The following ADORA1 variants were observed in gnomAD, a reference collection of about 807,000 sequenced individuals.
ADORA1 encodes adenosine A1 receptor.
Under a neutral mutation model 19.9 loss-of-function variants are expected in ADORA1, and 6 were observed. That is an observed-to-expected ratio of 0.30 (90% CI 0.17 to 0.59). The LOEUF (loss-of-function observed/expected upper bound fraction) is 0.59. Among genes scored for constraint, ADORA1 ranks in the 20% least tolerant of loss-of-function variants. The pLI, the probability that ADORA1 is intolerant of heterozygous loss-of-function variation, is 0.87. For synonymous variants in ADORA1, 194 were observed against 188.4 expected (o/e 1.03, Z -0.24); for missense variants, 302 against 439.2 (o/e 0.69, Z 2.79).
intron 3 of ADORA1, among the ~76,000 whole-genome samples, chr1:203,136,885 A>G (rs1294539238): frequency 6.6e-6 from 1 of 152,210 alleles, no homozygotes; most frequent in Non-Finnish European, 1.5e-5. Context: ...TTATTCAACA[A>G]ATACTTATTG....
chr1:203,138,754 C>T (rs910063058), intron 3 of ADORA1, among the ~76,000 whole-genome samples: 1 of 152,078 alleles, frequency 6.6e-6, no homozygotes, highest in Non-Finnish European at 1.5e-5. Context: ...GCAAAGAGAG[C>T]AAAGGAATGG....
intron 3 of ADORA1, among the ~76,000 whole-genome samples, chr1:203,158,306 C>T (rs1181242735): frequency 6.6e-6 from 1 of 152,216 alleles, no homozygotes; most frequent in Non-Finnish European, 1.5e-5. Flanking sequence ...GGGACACAGA[C>T]ACAATTCCAC....
chr1:203,139,366 A>G (rs980570800), intron 3 of ADORA1, among the ~76,000 whole-genome samples: 7 of 152,094 alleles, frequency 4.6e-5, no homozygotes, highest in South Asian at 4.1e-4. Flanking sequence ...GATTCTTCCC[A>G]TTTTCGTAGT....
intron 3 of ADORA1, among the ~76,000 whole-genome samples, chr1:203,143,539 CTGTG>C (rs3841801): frequency 8.8e-5 from 7 of 79,358 alleles, no homozygotes; most frequent in Middle Eastern, 6.1e-3. Flanking sequence ...ATATGCACAC[CTGTG>C]TGTGTGTGTG....
intron 3 of ADORA1, chr1:203,150,607 G>A (rs1655000615): frequency 1.6e-6 from 2 of 1,286,974 alleles, no homozygotes; most frequent in Admixed American, 2.3e-5. Flanking sequence ...CAGGATCGGG[G>A]AGAATATGAC....
intron 3 of ADORA1, among the ~76,000 whole-genome samples, chr1:203,157,140 C>G (rs548842332): frequency 6.6e-6 from 1 of 152,308 alleles, no homozygotes; most frequent in Non-Finnish European, 1.5e-5. Context: ...CTCAAAAGTC[C>G]TAAGTCCAGA....
In ADORA1 at chr1:203,129,085, A is replaced by T; in HGVS notation, c.244A>T (p.Met82Leu). 6.2e-7 allele frequency: 1 copy of T among 1,613,868 alleles called. No individual in the cohort carries two copies. The change falls in exon 3 of 4, where the codon ATG (methionine) becomes TTG (leucine). Residue 82 changes from methionine to leucine, a missense_variant. Coordinates refer to ENST00000337894, the MANE Select transcript of ADORA1 (RefSeq NM_000674.3). ...GPQTYFHTCL[M>L]VACPVLILTQ... ...ACAGACCTACTTCCACACCTGCCTCATGGTTGCCTGTCCGGTCCTCATCCT... is the reference window on the plus strand; with the variant it reads ...ACAGACCTACTTCCACACCTGCCTCTTGGTTGCCTGTCCGGTCCTCATCCT...
chr1:203,149,025 A>C (rs2102752560), intron 3 of ADORA1, among the ~76,000 whole-genome samples: 1 of 152,156 alleles, frequency 6.6e-6, no homozygotes, highest in South Asian at 2.1e-4. Flanking sequence ...CTACAGGTGC[A>C]TGCCACCAAG....
chr1:203,139,507 G>A (rs558025860), intron 3 of ADORA1, among the ~76,000 whole-genome samples: 2 of 152,332 alleles, frequency 1.3e-5, no homozygotes, highest in Middle Eastern at 3.4e-3. Context: ...ATAATTGGGG[G>A]CAGCATGAAG....
chr1:203,129,376 TG>T (rs1346856196), intron 3 of ADORA1, 194 bp downstream of exon 3: 1 of 795,240 alleles, frequency 1.3e-6, no homozygotes, highest in Non-Finnish European at 1.5e-6. Context: ...GATGGGTGGC[TG>T]GAGGACTGTA....
At chr1:203,151,223 C>T (rs1655021944) in intron 3 of ADORA1, among the ~76,000 whole-genome samples, 1 of 152,166 alleles carries the variant, frequency 6.6e-6, no homozygotes, top group Admixed American at 6.5e-5. Flanking sequence ...CCAGTATCCT[C>T]CCTGGCCACT....
In ADORA1 at chr1:203,165,181, TG is replaced by T. The variant is rs940763915; in HGVS notation, c.342-78del. On this transcript the variant is annotated intron_variant, in intron 3 of 3. Coordinates refer to ENST00000337894, the MANE Select transcript of ADORA1 (RefSeq NM_000674.3). The surrounding 1 kb of genome is among the most constrained non-coding windows in gnomAD (Gnocchi z 5.9). ...GGAGGGTGCTCCTCTTAGAGGCCCC[TG>T]GAGGCCAGGCGTGCCTCAGAGGGGC... 10 of 1,600,838 alleles carry T rather than the reference TG, an allele frequency of 6.2e-6. No homozygotes were observed. Among genetic ancestry groups the T allele is most frequent in the South Asian group, 1.1e-5 (1 of 88,938 alleles).
At chr1:203,154,927 C>G (rs1410812835) in intron 3 of ADORA1, among the ~76,000 whole-genome samples, 8 of 152,198 alleles carry the variant, frequency 5.3e-5, no homozygotes, top group African/African-American at 1.2e-4. Flanking sequence ...ATGCCCACCC[C>G]CTCTTCCTTC....
At chr1:203,144,561 A>G (rs941285180) in intron 3 of ADORA1, 8 of 152,222 alleles carry the variant, frequency 5.3e-5, no homozygotes, top group South Asian at 2.1e-4. Context: ...TTAAACTACT[A>G]GGTAACAGCC....
chr1:203,162,943 G>T (rs767060676), intron 3 of ADORA1, among the ~76,000 whole-genome samples: 1 of 152,196 alleles, frequency 6.6e-6, no homozygotes, highest in Non-Finnish European at 1.5e-5. Flanking sequence ...TTCACCTGGG[G>T]ATCTGGCCCC....
At chr1:203,142,694 G>A (rs1056495123) in intron 3 of ADORA1, among the ~76,000 whole-genome samples, 1 of 152,164 alleles carries the variant, frequency 6.6e-6, no homozygotes, top group Admixed American at 6.5e-5. Flanking sequence ...CTGTTTGTAT[G>A]TGGGGAAGAG....
chr1:203,160,326 G>T (rs957516832), intron 3 of ADORA1, among the ~76,000 whole-genome samples: 14 of 152,152 alleles, frequency 9.2e-5, no homozygotes, highest in African/African-American at 3.4e-4. Context: ...CATTATACCC[G>T]CTGGTTGAGC....
intron 3 of ADORA1, among the ~76,000 whole-genome samples, chr1:203,149,752 C>T (rs934313423): frequency 2.0e-5 from 3 of 152,184 alleles, no homozygotes; most frequent in Admixed American, 6.5e-5. Context: ...AGCAAGAAGG[C>T]TCAGAATGGC....
In ADORA1 at chr1:203,163,116, G is replaced by T. The variant is rs117301974; in HGVS notation, c.342-2145G>T. Among the ~76,000 whole-genome samples, 174 of 152,368 alleles carry T rather than the reference G, an allele frequency of 1.1e-3. 1 individual carries two copies. The East Asian group carries it at 0.032, about 28-fold the overall frequency. ...ATTGAGATGGTCAGGAACAAGATGT[G>T]AGCAAGATGTTTAAATAGCCCTTAG... On this transcript the variant is annotated intron_variant, in intron 3 of 3. Transcript: ENST00000337894.
Sources: gnomAD v4.1 joint callset for allele counts (sites outside exome capture counted in the v4.1 genomes callset) on GRCh38, gnomAD v4.1.1 for gene constraint, Gnocchi (gnomAD v3.1) non-coding constraint, MANE v1.5 for transcripts, NCBI Gene and HGNC (gene_info 2026-07-23, HGNC 2026-07-21) for gene names.